Variants in DEPDC1B observed in about 807,000 individuals in gnomAD.
DEPDC1B encodes DEP domain-containing protein 1B.
DEPDC1B carries 51 observed loss-of-function variants against 66.5 expected under a neutral mutation model. That is an observed-to-expected ratio of 0.77 (90% CI 0.61 to 0.97). DEPDC1B has a LOEUF of 0.97. Among genes scored for constraint, DEPDC1B ranks in the 50% least tolerant of loss-of-function variants. The probability of loss-of-function intolerance (pLI) is 0.00; values close to 1 mark genes in which losing one functional copy is unlikely to be tolerated. For missense variants in DEPDC1B, 552 were observed against 637.1 expected (o/e 0.87, Z 1.44); for synonymous variants, 226 against 223.6 (o/e 1.01, Z -0.10).
intron 3 of DEPDC1B, among the ~76,000 whole-genome samples, 198 bp downstream of exon 3, chr5:60,647,200 C>A (rs939295460): frequency 2.0e-5 from 3 of 151,422 alleles, no homozygotes; most frequent in African/African-American, 7.3e-5. Context: ...AGTACAACAA[C>A]TATTTACATG....
At chr5:60,660,238 CAGAG>C (rs1457224439) in intron 2 of DEPDC1B, among the ~76,000 whole-genome samples, 1 of 131,036 alleles carries the variant, frequency 7.6e-6, no homozygotes, top group Admixed American at 8.0e-5. Context: ...GAGAGACAGA[CAGAG>C]AGGAGAGACA....
chr5:60,599,744 A>G (rs775011449), intron 9 of DEPDC1B, among the ~76,000 whole-genome samples: 1 of 152,258 alleles, frequency 6.6e-6, no homozygotes, highest in Non-Finnish European at 1.5e-5. Flanking sequence ...CATGCTGCAG[A>G]TAACTAGCCA....
intron 2 of DEPDC1B, among the ~76,000 whole-genome samples, chr5:60,650,411 G>C (rs1329716671): frequency 6.6e-6 from 1 of 152,140 alleles, no homozygotes; most frequent in Non-Finnish European, 1.5e-5. Context: ...GTGGGGAGCT[G>C]TCCTGTGCAC....
chr5:60,698,221 G>T (rs1754699283), intron 1 of DEPDC1B, among the ~76,000 whole-genome samples: 1 of 152,210 alleles, frequency 6.6e-6, no homozygotes, highest in East Asian at 1.9e-4. Context: ...ACTGTATAGA[G>T]TGTTCGCAAA....
chr5:60,699,021 A>C (rs1754716741), intron 1 of DEPDC1B, among the ~76,000 whole-genome samples: 1 of 152,194 alleles, frequency 6.6e-6, no homozygotes, highest in Non-Finnish European at 1.5e-5. Flanking sequence ...AAATTTAAAA[A>C]GTAAAGACCC....
At position 60,688,086 on chromosome 5, in the gene DEPDC1B, T is replaced by C. The variant is rs149798264; in HGVS notation, c.49-859A>G. Among the ~76,000 whole-genome samples the C allele has an allele frequency of 2.6e-5, 4 of 152,180 alleles. No individual in the cohort carries two copies. In the East Asian group the frequency reaches 7.7e-4, roughly 29 times the overall value. ...CAGCAAATATTTCTAGGTTGCTTAT[T>C]ATGTGAAAGGCATTGTAGGAGGAGG... On this transcript the variant is annotated intron_variant, in intron 1 of 10. Transcript: ENST00000265036.
intron 1 of DEPDC1B, among the ~76,000 whole-genome samples, chr5:60,699,272 T>A (rs1037163817): frequency 2.7e-5 from 4 of 148,126 alleles, no homozygotes; most frequent in Non-Finnish European, 6.0e-5. Flanking sequence ...ATGTTAAATG[T>A]GGCCAGAGAG....
At chr5:60,629,211 T>C (rs1196342067) in intron 7 of DEPDC1B, among the ~76,000 whole-genome samples, 1 of 152,236 alleles carries the variant, frequency 6.6e-6, no homozygotes, top group African/African-American at 2.4e-5. Flanking sequence ...TTCCACTGTG[T>C]ATACACACTG....
At chr5:60,639,796 T>C (rs1753146561) in intron 6 of DEPDC1B, among the ~76,000 whole-genome samples, 1 of 152,210 alleles carries the variant, frequency 6.6e-6, no homozygotes, top group South Asian at 2.1e-4. Flanking sequence ...AGGAACAGTG[T>C]AGCCAGCCTT....
chr5:60,673,837 G>C (rs1439917344), intron 2 of DEPDC1B, among the ~76,000 whole-genome samples: 8 of 152,188 alleles, frequency 5.3e-5, no homozygotes, highest in Admixed American at 5.2e-4. Flanking sequence ...CTCTCCAAAA[G>C]AGTGTTCTCT....
chr5:60,622,772 C>T (rs1319126419), intron 7 of DEPDC1B, among the ~76,000 whole-genome samples: 1 of 152,146 alleles, frequency 6.6e-6, no homozygotes, highest in East Asian at 1.9e-4. Context: ...TCTGCATTTC[C>T]TGTATGATTA....
intron 1 of DEPDC1B, among the ~76,000 whole-genome samples, chr5:60,693,424 C>A (rs946446477): frequency 2.0e-5 from 3 of 152,140 alleles, no homozygotes; most frequent in Non-Finnish European, 4.4e-5. Context: ...AACTTCTCTA[C>A]CTATCCACCC....
chr5:60,667,615 A>AAAAATGGATATTTTACATATATATG lies in DEPDC1B; in HGVS notation c.314+19346_314+19347insCATATATATGTAAAATATCCATTTT. ...AAAAATGGATATTTTACATATATAT[A>AAAAATGGATATTTTACATATATATG]AAAAATGGATATTTTACATATATGA... On this transcript the variant is annotated intron_variant, in intron 2 of 10. Coordinates refer to ENST00000265036, the MANE Select transcript of DEPDC1B (RefSeq NM_018369.3). Among the ~76,000 whole-genome samples the AAAAATGGATATTTTACATATATATG allele has an allele frequency of 2.2e-4, 31 of 140,114 alleles. 2 individuals carry two copies. The highest frequency in any genetic ancestry group is 8.7e-4 in the African/African-American group (31 of 35,530). 91.9% of individuals were successfully genotyped at this position (140,114 alleles called of 152,430 possible).
intron 1 of DEPDC1B, among the ~76,000 whole-genome samples, chr5:60,693,811 A>C (rs1240586118): frequency 1.3e-5 from 2 of 151,978 alleles, no homozygotes. Context: ...CCTAGCTTTC[A>C]TTTATCATTA....
At chr5:60,618,594 G>A (rs894780565) in intron 7 of DEPDC1B, among the ~76,000 whole-genome samples, 2 of 152,208 alleles carry the variant, frequency 1.3e-5, no homozygotes, top group Non-Finnish European at 2.9e-5. Flanking sequence ...CCAGGAAGAA[G>A]TTGAATCTCT....
chr5:60,700,102 G>C lies in DEPDC1B; in HGVS notation c.-9C>G. On this transcript the variant is annotated 5_prime_UTR_variant, in exon 1 of 11. Transcript: ENST00000265036. ...ACGATGCGATGCTCCATGGCGCGTA[G>C]GCAGCAGCGGCCGCAGCCGCGCCAG... is the stretch of plus-strand genomic sequence containing the variant. The C allele has an allele frequency of 1.9e-6, 3 of 1,548,410 alleles. No homozygotes were observed. The highest frequency in any genetic ancestry group is 3.9e-5 in the Admixed American group (2 of 51,374).
intron 2 of DEPDC1B, among the ~76,000 whole-genome samples, chr5:60,668,923 CTG>C (rs1163207508): frequency 2.6e-5 from 4 of 152,186 alleles, no homozygotes; most frequent in Non-Finnish European, 2.9e-5. Flanking sequence ...GCTTTAAAAA[CTG>C]TAAATTTAAT....
At chr5:60,656,982 C>T (rs886864861) in intron 2 of DEPDC1B, among the ~76,000 whole-genome samples, 12 of 152,170 alleles carry the variant, frequency 7.9e-5, no homozygotes, top group African/African-American at 2.4e-4. Context: ...GTGTTAGGTA[C>T]ATATATATTT....
intron 1 of DEPDC1B, among the ~76,000 whole-genome samples, chr5:60,695,450 A>G (rs1754632979): frequency 6.6e-6 from 1 of 152,184 alleles, no homozygotes; most frequent in Non-Finnish European, 1.5e-5. Context: ...ATACTCACTC[A>G]TTGTCATGAG....
Sources: allele counts gnomAD v4.1 joint callset (sites outside exome capture counted in the v4.1 genomes callset), GRCh38; gene constraint gnomAD v4.1.1; transcripts MANE v1.5; gene names NCBI Gene and HGNC (gene_info 2026-07-23, HGNC 2026-07-21).